The following PTPRG variants were observed in gnomAD, a reference collection of about 807,000 sequenced individuals.
The protein encoded by PTPRG is receptor-type tyrosine-protein phosphatase gamma.
In PTPRG, 102 loss-of-function variants were observed where a neutral mutation model predicts 165.3. The observed-to-expected ratio is 0.62, with a 90% CI of 0.53 to 0.73. The LOEUF (loss-of-function observed/expected upper bound fraction) is 0.73. Ranked by LOEUF, PTPRG falls within the 30% of genes least tolerant of loss-of-function variation. The pLI, the probability that PTPRG is intolerant of heterozygous loss-of-function variation, is 0.00. For synonymous variants in PTPRG, 675 were observed against 669.5 expected (o/e 1.01, Z -0.13); for missense variants, 1,866 against 1,861.4 (o/e 1.00, Z -0.05).
intron 15 of PTPRG, among the ~76,000 whole-genome samples, chr3:62,251,102 T>C (rs926829375): frequency 2.6e-5 from 4 of 152,170 alleles, no homozygotes; most frequent in African/African-American, 9.7e-5. Context: ...TAAGTACAAA[T>C]AGTGGCTGAG....
At chr3:61,634,762 C>T (rs990922800) in intron 1 of PTPRG, among the ~76,000 whole-genome samples, 4 of 152,124 alleles carry the variant, frequency 2.6e-5, no homozygotes, top group African/African-American at 9.7e-5. Context: ...TGTGCTTATC[C>T]TCTGGGAACA....
intron 2 of PTPRG, among the ~76,000 whole-genome samples, chr3:61,986,258 C>T (rs545208394): frequency 3.4e-4 from 51 of 151,988 alleles, no homozygotes; most frequent in South Asian, 2.3e-3. Flanking sequence ...GTATGTGAGC[C>T]CCTGTGATAG....
At chr3:61,880,574 T>G (rs913212553) in intron 2 of PTPRG, among the ~76,000 whole-genome samples, 1 of 147,470 alleles carries the variant, frequency 6.8e-6, no homozygotes, top group Admixed American at 6.9e-5. Flanking sequence ...CAGTCAGCTG[T>G]GTTTGCGCCA....
At chr3:62,130,374 G>A (rs1201308146) in intron 5 of PTPRG, among the ~76,000 whole-genome samples, 1 of 152,172 alleles carries the variant, frequency 6.6e-6, no homozygotes, top group Non-Finnish European at 1.5e-5. Context: ...ATTCACTAAA[G>A]CAAGACATAT....
At chr3:62,170,920 C>T (rs1323576970) in intron 8 of PTPRG, among the ~76,000 whole-genome samples, 2 of 152,186 alleles carry the variant, frequency 1.3e-5, no homozygotes, top group Non-Finnish European at 2.9e-5. Context: ...GATCTCAGGA[C>T]TCCCCCATCA....
intron 26 of PTPRG, among the ~76,000 whole-genome samples, chr3:62,279,814 C>G (rs1702364962): frequency 6.6e-6 from 1 of 152,018 alleles, no homozygotes; most frequent in African/African-American, 2.4e-5. Flanking sequence ...TTAAACAAAG[C>G]CTTCTTTGTT....
At chr3:61,959,933 G>T (rs1422946875) in intron 2 of PTPRG, among the ~76,000 whole-genome samples, 1 of 152,018 alleles carries the variant, frequency 6.6e-6, no homozygotes, top group Non-Finnish European at 1.5e-5. Context: ...AACGTTCTGT[G>T]CTGTTCTCAT....
At chr3:61,679,003 C>G (rs1703334497) in intron 1 of PTPRG, among the ~76,000 whole-genome samples, 1 of 151,918 alleles carries the variant, frequency 6.6e-6, no homozygotes. Flanking sequence ...GACAGTCATC[C>G]TAAGTTAAGT....
chr3:61,662,988 C>A (rs1702708654), intron 1 of PTPRG, among the ~76,000 whole-genome samples: 1 of 152,034 alleles, frequency 6.6e-6, no homozygotes, highest in Admixed American at 6.6e-5. Flanking sequence ...TTTTCACAAC[C>A]ATTGAAAAGA....
At chr3:62,014,980 A>G (rs967548269) in intron 4 of PTPRG, among the ~76,000 whole-genome samples, 5 of 152,258 alleles carry the variant, frequency 3.3e-5, no homozygotes, top group African/African-American at 1.2e-4. Flanking sequence ...TAGGGCTAAC[A>G]TAGTCCTGAG....
chr3:61,680,831 G>A (rs1312077396), intron 1 of PTPRG, among the ~76,000 whole-genome samples: 2 of 99,552 alleles, frequency 2.0e-5, no homozygotes, highest in African/African-American at 6.4e-5. Context: ...GGTGTTTGGT[G>A]CCTGCTGTGT....
chr3:62,070,268 G>A (rs917020), intron 4 of PTPRG, among the ~76,000 whole-genome samples: 5 of 152,156 alleles, frequency 3.3e-5, no homozygotes, highest in Non-Finnish European at 5.9e-5. Context: ...CCATTTCACA[G>A]TGATTTTGGC....
intron 2 of PTPRG, among the ~76,000 whole-genome samples, chr3:61,962,825 C>T (rs541297221): frequency 2.0e-5 from 3 of 152,116 alleles, no homozygotes; most frequent in African/African-American, 7.2e-5. Flanking sequence ...ACTCATATTC[C>T]GCTTTGGAGA....
At chr3:62,281,134 G>C (rs557641742) in intron 26 of PTPRG, among the ~76,000 whole-genome samples, 1 of 152,146 alleles carries the variant, frequency 6.6e-6, no homozygotes, top group African/African-American at 2.4e-5. Flanking sequence ...CAGTGTTTAT[G>C]AAAGTCCTTT....
At chr3:62,091,307 G>C (rs1451114081) in intron 5 of PTPRG, among the ~76,000 whole-genome samples, 2 of 152,216 alleles carry the variant, frequency 1.3e-5, no homozygotes, top group Non-Finnish European at 1.5e-5. Flanking sequence ...AGTAATTCAG[G>C]AGGAGGTAAC....
Position 61,593,944 on chromosome 3 carries a change from C to T in PTPRG, c.85+31572C>T, listed in dbSNP as rs184745688. 1.9e-3 allele frequency among the ~76,000 whole-genome samples: 294 copies of T among 152,148 alleles called. 1 individual carries two copies. The highest frequency in any genetic ancestry group is 2.3e-3 in the Non-Finnish European group (154 of 68,012). On this transcript the variant is annotated intron_variant, in intron 1 of 29. Coordinates refer to ENST00000474889, the MANE Select transcript of PTPRG (RefSeq NM_002841.4). ...CTCTTTTTTCCTTAATCACTTAGAG[C>T]TTGGTAAAGCAATGTAGGCAGCAGA...
At chr3:62,131,022 G>A (rs894500227) in intron 5 of PTPRG, among the ~76,000 whole-genome samples, 12 of 151,804 alleles carry the variant, frequency 7.9e-5, no homozygotes, top group Middle Eastern at 3.2e-3. Flanking sequence ...CCTGTGTTTA[G>A]TAGCACCTGT....
In PTPRG at chr3:62,293,709, A is replaced by G. The variant is rs756349826; in HGVS notation, c.*402A>G. 3 of 155,270 alleles carry G rather than the reference A, an allele frequency of 1.9e-5. No individual in the cohort carries two copies. The highest frequency in any genetic ancestry group is 1.9e-4 in the Admixed American group (3 of 15,576). 9.6% of individuals were successfully genotyped at this position (155,270 alleles called of 1,614,324 possible). On this transcript the variant is annotated 3_prime_UTR_variant, in exon 30 of 30. Transcript: ENST00000474889. ...AGTGGTTGCATTCTACTAGCAGGCA[A>G]TGCTGTACTTTTCTTCAGTCCTCCT...
intron 2 of PTPRG, among the ~76,000 whole-genome samples, chr3:61,772,503 T>C (rs963092959): frequency 6.6e-6 from 1 of 152,164 alleles, no homozygotes; most frequent in African/African-American, 2.4e-5. Context: ...AAATGAATAA[T>C]GTAACCTGCT....
Sources: gnomAD v4.1 joint callset for allele counts (sites outside exome capture counted in the v4.1 genomes callset) on GRCh38, gnomAD v4.1.1 for gene constraint, MANE v1.5 for transcripts, NCBI Gene and HGNC (gene_info 2026-07-23, HGNC 2026-07-21) for gene names.